Variants in PINX1 observed in about 807,000 individuals in gnomAD.
PINX1 encodes PIN2 (TERF1) interacting telomerase inhibitor 1, also known as PIN2/TERF1-interacting telomerase inhibitor 1.
PINX1 carries 34 observed loss-of-function variants against 25.4 expected under a neutral mutation model. The ratio of observed to expected loss-of-function variants is 1.34; its 90% confidence interval spans 1.02 to 1.78. PINX1 has a LOEUF of 1.78. Among genes scored for constraint, PINX1 ranks in the 40% most tolerant of loss-of-function variants. The probability of loss-of-function intolerance (pLI) is 0.00; values close to 1 mark genes in which losing one functional copy is unlikely to be tolerated. For missense variants in PINX1, 592 were observed against 404.9 expected, an observed-to-expected ratio of 1.46 and a Z score of -3.97; for synonymous variants, 197 against 147.7, an observed-to-expected ratio of 1.33 and a Z score of -2.42.
intron 4 of PINX1, among the ~76,000 whole-genome samples, chr8:10,829,856 G>T (rs1258130023): frequency 6.6e-6 from 1 of 152,068 alleles, no homozygotes; most frequent in Non-Finnish European, 1.5e-5. Context: ...AGCTAATTTT[G>T]TATTTTTAGG....
intron 5 of PINX1, among the ~76,000 whole-genome samples, chr8:10,824,102 A>T (rs180702013): frequency 6.6e-6 from 1 of 152,238 alleles, no homozygotes; most frequent in African/African-American, 2.4e-5. Context: ...AAGTTCCATG[A>T]AATGGGTCAT....
At position 10,782,977 on chromosome 8, in the gene PINX1, TCTA is replaced by T. The variant is rs1243217207; in HGVS notation, c.472-17064_472-17062del. Among the ~76,000 whole-genome samples, 3 of 152,116 alleles carry T rather than the reference TCTA, an allele frequency of 2.0e-5. No homozygotes were observed. The East Asian group carries it at 5.8e-4, about 29-fold the overall frequency. On this transcript the variant is annotated intron_variant, in intron 6 of 6. Transcript: ENST00000314787. ...CTATATGCACTGTTCCTCAGAGTAATCTACTAATAAGGGGAAACACACATTCCA... is the reference window on the plus strand; with the variant it reads ...CTATATGCACTGTTCCTCAGAGTAATCTAATAAGGGGAAACACACATTCCA...
At chr8:10,817,307 A>G (rs1797728243) in intron 6 of PINX1, among the ~76,000 whole-genome samples, 1 of 152,228 alleles carries the variant, frequency 6.6e-6, no homozygotes, top group African/African-American at 2.4e-5. Context: ...CAAGCGAAGC[A>G]ACAACATACA....
At chr8:10,770,844 A>T (rs954369797) in intron 6 of PINX1, among the ~76,000 whole-genome samples, 11 of 152,174 alleles carry the variant, frequency 7.2e-5, no homozygotes, top group African/African-American at 2.4e-4. Context: ...ATACATCACT[A>T]CTGATCTTAA....
intron 1 of PINX1, among the ~76,000 whole-genome samples, chr8:10,835,261 A>G (rs1187094156): frequency 1.3e-5 from 2 of 152,232 alleles, no homozygotes; most frequent in African/African-American, 2.4e-5. Flanking sequence ...CGCTGTACAT[A>G]ATATTCAGTT....
At chr8:10,791,564 C>T (rs1801923522) in intron 6 of PINX1, among the ~76,000 whole-genome samples, 1 of 152,220 alleles carries the variant, frequency 6.6e-6, no homozygotes, top group Non-Finnish European at 1.5e-5. Flanking sequence ...TTGAAACCTG[C>T]TTGTGAAGCT....
At chr8:10,770,145 C>T (rs1020899840) in intron 6 of PINX1, among the ~76,000 whole-genome samples, 1 of 152,214 alleles carries the variant, frequency 6.6e-6, no homozygotes, top group Non-Finnish European at 1.5e-5. Flanking sequence ...ACCTTCCACC[C>T]AGGCAAGAAG....
chr8:10,807,755 G>C (rs1445320621), intron 6 of PINX1, among the ~76,000 whole-genome samples: 2 of 152,184 alleles, frequency 1.3e-5, no homozygotes, highest in African/African-American at 2.4e-5. Context: ...TATTAATAGA[G>C]ATTTTCAGAC....
chr8:10,766,030 C>T (rs1318738381), intron 6 of PINX1, 114 bp from the exon 7 acceptor site: 2 of 939,510 alleles, frequency 2.1e-6, no homozygotes, highest in Admixed American at 2.2e-5. Flanking sequence ...CCGGCGCTCA[C>T]ACCCGGCACC....
intron 6 of PINX1, among the ~76,000 whole-genome samples, chr8:10,773,796 T>A (rs961271607): frequency 2.0e-5 from 3 of 151,960 alleles, no homozygotes; most frequent in Admixed American, 2.0e-4. Context: ...CTGACAAGAG[T>A]CATCCAGCCT....
rs770561033 is a variant in PINX1, at chr8:10,765,841, C to A, written c.547G>T (p.Ala183Ser). The A allele has an allele frequency of 6.2e-7, 1 of 1,613,958 alleles. No homozygotes were observed. The highest frequency in any genetic ancestry group is 1.1e-5 in the South Asian group (1 of 91,074). Reference protein sequence around the residue: ...TSAFTIQEYFAKRMAALKNKP... With the variant: ...TSAFTIQEYFSKRMAALKNKP... ...TTCTTCAGTGCTGCCATCCGCTTGG[C>A]AAAGTACTCCTGGATGGTGAAGGCG... The change falls in exon 7 of 7, where the codon GCC (alanine) becomes TCC (serine). Residue 183 changes from alanine (A) to serine (S), a missense_variant. Coordinates refer to ENST00000314787, the MANE Select transcript of PINX1 (RefSeq NM_017884.6).
chr8:10,806,389 GCA>G (rs1802452974), intron 6 of PINX1, among the ~76,000 whole-genome samples: 2 of 151,302 alleles, frequency 1.3e-5, no homozygotes, highest in Admixed American at 6.6e-5. Flanking sequence ...AATCTGAGGA[GCA>G]AACAGAGTAA....
At chr8:10,815,961 C>T (rs757054656) in intron 6 of PINX1, among the ~76,000 whole-genome samples, 1 of 152,166 alleles carries the variant, frequency 6.6e-6, no homozygotes, top group East Asian at 1.9e-4. Context: ...CAGATCTGAG[C>T]AGCCTCAGCA....
intron 6 of PINX1, among the ~76,000 whole-genome samples, chr8:10,778,234 T>C (rs950019717): frequency 3.9e-5 from 6 of 152,180 alleles, no homozygotes; most frequent in Admixed American, 3.9e-4. Context: ...AAAGTTCAGG[T>C]TGAGTATCCC....
At chr8:10,768,216 T>G (rs1467921102) in intron 6 of PINX1, among the ~76,000 whole-genome samples, 2 of 152,232 alleles carry the variant, frequency 1.3e-5, no homozygotes, top group Admixed American at 1.3e-4. Context: ...ACTGACAGTT[T>G]CGCAGCACTA....
At position 10,826,234 on chromosome 8, in the gene PINX1, G is replaced by C. The variant is rs760849728; in HGVS notation, c.312C>G (p.Asp104Glu). 3.8e-6 allele frequency: 6 copies of C among 1,562,570 alleles called. No homozygotes were observed. The African/African-American group carries it at 4.1e-5, about 11-fold the overall frequency. ...GGCTAAAAGATTTCTTTTCCTTCTT[G>C]TCCGAGGAATCTTTAAAAAAGATGA... ...CHGQETTDSS[D>E]KKEKKSFSLE... is the part of the protein sequence containing the mutation. Residue 104 changes from aspartate to glutamate, a missense_variant, in exon 5 of 7, where the codon GAC becomes GAG. By Grantham distance (45) the Asp-to-Glu change is conservative. Transcript: ENST00000314787.
intron 4 of PINX1, 118 bp from the exon 5 acceptor site, chr8:10,826,362 C>G: frequency 1.7e-6 from 1 of 574,410 alleles, no homozygotes; most frequent in South Asian, 2.4e-5. Flanking sequence ...TGATTGAACT[C>G]TTTCATTCAT....
intron 6 of PINX1, among the ~76,000 whole-genome samples, chr8:10,798,596 G>A (rs899131783): frequency 6.6e-6 from 1 of 152,218 alleles, no homozygotes; most frequent in Admixed American, 6.5e-5. Context: ...TTCAAAAGCT[G>A]CACCGATGGC....
intron 6 of PINX1, among the ~76,000 whole-genome samples, chr8:10,785,351 T>A (rs946493439): frequency 6.6e-6 from 1 of 152,224 alleles, no homozygotes; most frequent in Non-Finnish European, 1.5e-5. Context: ...TACTTTACTT[T>A]AGAACCAGTC....
Sources: allele counts gnomAD v4.1 joint callset (sites outside exome capture counted in the v4.1 genomes callset), GRCh38; gene constraint gnomAD v4.1.1; transcripts MANE v1.5; gene names NCBI Gene and HGNC (gene_info 2026-07-23, HGNC 2026-07-21).